Variants in ADGRV1 observed in about 807,000 individuals in gnomAD.
ADGRV1 encodes G-protein coupled receptor 98.
ADGRV1 carries 359 observed loss-of-function variants against 596.2 expected under a neutral mutation model. The observed-to-expected ratio is 0.60, with a 90% confidence interval of 0.55 to 0.66. The LOEUF (loss-of-function observed/expected upper bound fraction) is 0.66. ADGRV1 is among the 30% of genes least tolerant of loss of function. The probability of loss-of-function intolerance (pLI) is 0.00; values close to 1 mark genes in which losing one functional copy is unlikely to be tolerated. For synonymous variants in ADGRV1, 2,681 were observed against 2,679.2 expected (o/e 1.00, Z -0.02); for missense variants, 7,274 against 7,575.6 (o/e 0.96, Z 1.48).
Position 90,694,420 on chromosome 5 carries a change from A to G in ADGRV1, c.7664A>G (p.Lys2555Arg), listed in dbSNP as rs1284659275. 3 of 1,613,970 alleles carry G rather than the reference A, an allele frequency of 1.9e-6. No homozygotes were observed. The Admixed American group carries it at 5.0e-5, about 27-fold the overall frequency. Residue 2555 changes from lysine to arginine, a missense_variant, in exon 33 of 90, where the codon AAA becomes AGA. Physicochemically the swap from Lys to Arg is conservative, Grantham distance 26. This residue lies in a region of ADGRV1 where 3,643 missense variants were observed against 3,809.2 expected (regional missense o/e 0.96). Coordinates refer to ENST00000405460, the MANE Select transcript of ADGRV1 (RefSeq NM_032119.4). ...VHLMNISASL[K>R]NQPTIGQPNI... The stretch of plus-strand genomic sequence containing the variant: ...CTCATGAACATTTCAGCCAGTTTGA[A>G]AAATCAGCCAACCATAGGACAGCCA...
intron 83 of ADGRV1, among the ~76,000 whole-genome samples, chr5:90,951,831 C>A (rs1356725995): frequency 1.3e-5 from 2 of 152,106 alleles, no homozygotes; most frequent in Non-Finnish European, 1.5e-5. Flanking sequence ...TGCTTAAAAT[C>A]TGAACTTTGA....
chr5:90,915,552 A>G (rs1037917602), intron 83 of ADGRV1, among the ~76,000 whole-genome samples: 1 of 152,132 alleles, frequency 6.6e-6, no homozygotes, highest in Non-Finnish European at 1.5e-5. Context: ...TAGAAAGGCA[A>G]AAGGAGTCTG....
chr5:90,777,525 C>T (rs1758374833), intron 61 of ADGRV1, among the ~76,000 whole-genome samples: 1 of 152,156 alleles, frequency 6.6e-6, no homozygotes, highest in Non-Finnish European at 1.5e-5. Flanking sequence ...AAGACTATCC[C>T]TTCCCATCAG....
At chr5:90,979,418 C>T (rs1322992412) in intron 84 of ADGRV1, among the ~76,000 whole-genome samples, 1 of 152,112 alleles carries the variant, frequency 6.6e-6, no homozygotes, top group African/African-American at 2.4e-5. Flanking sequence ...AGTCTTCCCA[C>T]CTTGGCCTCC....
At chr5:90,764,543 G>A (rs921920745) in intron 59 of ADGRV1, among the ~76,000 whole-genome samples, 3 of 152,158 alleles carry the variant, frequency 2.0e-5, no homozygotes, top group African/African-American at 7.2e-5. Flanking sequence ...ACTGTCCCTA[G>A]GCATTGGTGC....
intron 85 of ADGRV1, among the ~76,000 whole-genome samples, chr5:91,020,348 C>G (rs1783532906): frequency 6.6e-6 from 1 of 152,030 alleles, no homozygotes; most frequent in Non-Finnish European, 1.5e-5. Context: ...ATTTAATCAG[C>G]TGATCACAGA....
chr5:90,783,147 A>G lies in ADGRV1; in HGVS notation c.13255A>G (p.Met4419Val), dbSNP rs1373626737. 6.2e-7 allele frequency: 1 copy of G among 1,613,450 alleles called. No homozygotes were observed. The highest frequency in any genetic ancestry group is 8.5e-7 in the Non-Finnish European group (1 of 1,179,602). Residue 4419 changes from methionine to valine, a missense_variant, in exon 66 of 90, where the codon ATG (methionine) becomes GTG (valine). This residue lies in a region of ADGRV1 where 3,643 missense variants were observed against 3,809.2 expected (regional missense o/e 0.96). Coordinates refer to ENST00000405460, the MANE Select transcript of ADGRV1 (RefSeq NM_032119.4). ...FEVEEDVGLI[M>V]IPVVRLHGTY... ...AGTGGAGGAAGATGTTGGGCTGATCATGATCCCAGTGGTGAGGCTACATGG... is the reference window on the plus strand; with the variant it reads ...AGTGGAGGAAGATGTTGGGCTGATCGTGATCCCAGTGGTGAGGCTACATGG...
intron 50 of ADGRV1, among the ~76,000 whole-genome samples, chr5:90,734,425 T>C (rs1752951700): frequency 6.6e-6 from 1 of 152,150 alleles, no homozygotes; most frequent in Non-Finnish European, 1.5e-5. Flanking sequence ...TCAACACTTA[T>C]TTTTGTGTAA....
chr5:90,806,447 C>T (rs1761909799), intron 72 of ADGRV1, among the ~76,000 whole-genome samples: 3 of 152,024 alleles, frequency 2.0e-5, no homozygotes, highest in Non-Finnish European at 4.4e-5. Flanking sequence ...TTATTTTTTC[C>T]TGTTTATTTT....
At chr5:91,031,132 A>C in intron 85 of ADGRV1, 2 of 1,342,666 alleles carry the variant, frequency 1.5e-6, no homozygotes, top group Non-Finnish European at 2.1e-6. Context: ...AAAGAACAGA[A>C]ACATCTGTAA....
intron 83 of ADGRV1, among the ~76,000 whole-genome samples, chr5:90,893,201 G>A (rs1018090112): frequency 2.0e-5 from 3 of 152,076 alleles, no homozygotes; most frequent in Admixed American, 1.3e-4. Context: ...TGTGACGATT[G>A]GCTAGAGGCT....
Position 90,604,577 on chromosome 5 carries a change from G to C in ADGRV1, c.23-10258G>C, listed in dbSNP as rs113354216. Among the ~76,000 whole-genome samples, 6 of 152,200 alleles carry C rather than the reference G, an allele frequency of 3.9e-5. 1 individual carries two copies. Among genetic ancestry groups the C allele is most frequent in the African/African-American group, 1.4e-4 (6 of 41,542 alleles). On this transcript the variant is annotated intron_variant, in intron 1 of 89. Transcript: ENST00000405460. ...TATGTAGGATTACAAAATTACGTTT[G>C]TTTGAGAAGAGTTACAGGGGTCAAA...
At chr5:90,732,542 A>G (rs1318947766) in intron 50 of ADGRV1, among the ~76,000 whole-genome samples, 1 of 152,222 alleles carries the variant, frequency 6.6e-6, no homozygotes, top group African/African-American at 2.4e-5. Flanking sequence ...ATTATGCTGT[A>G]GATTAGGTCC....
chr5:91,151,034 C>G (rs1033242352), intron 88 of ADGRV1, among the ~76,000 whole-genome samples: 7 of 152,122 alleles, frequency 4.6e-5, no homozygotes, highest in East Asian at 3.8e-4. Flanking sequence ...ATATTGCCCT[C>G]TTTATATTAA....
chr5:90,863,632 A>G (rs1287164974), intron 82 of ADGRV1, 125 bp from the exon 83 acceptor site: 1 of 721,408 alleles, frequency 1.4e-6, no homozygotes, highest in African/African-American at 1.7e-5. Context: ...CATCTTTTCC[A>G]GAGGTACTGG....
chr5:90,861,781 GAT>G (rs1210804723), intron 82 of ADGRV1, among the ~76,000 whole-genome samples: 1 of 152,100 alleles, frequency 6.6e-6, no homozygotes, highest in African/African-American at 2.4e-5. Context: ...AAAAATAAAA[GAT>G]AAGTATTTAG....
chr5:90,858,606 C>G (rs1021255242), intron 82 of ADGRV1, among the ~76,000 whole-genome samples: 2 of 152,088 alleles, frequency 1.3e-5, no homozygotes, highest in Admixed American at 6.5e-5. Flanking sequence ...CCTCACCCTC[C>G]CAAAGTGCTG....
chr5:90,950,916 A>T (rs1231024762), intron 83 of ADGRV1, among the ~76,000 whole-genome samples: 1 of 142,064 alleles, frequency 7.0e-6, no homozygotes, highest in Admixed American at 6.8e-5. Context: ...ATGGCTAATT[A>T]AAAAAACAAT....
chr5:90,671,173 GT>G (rs1561496732), intron 21 of ADGRV1, among the ~76,000 whole-genome samples: 1 of 152,210 alleles, frequency 6.6e-6, no homozygotes, highest in Non-Finnish European at 1.5e-5. Flanking sequence ...GCTGGTATCT[GT>G]TTCTGTGTCC....
Sources: gnomAD v4.1 joint callset for allele counts (sites outside exome capture counted in the v4.1 genomes callset) on GRCh38, gnomAD v4.1.1 for gene constraint, gnomAD v4.1.1 regional missense constraint, MANE v1.5 for transcripts, NCBI Gene and HGNC (gene_info 2026-07-23, HGNC 2026-07-21) for gene names.